ZNF366: variants seen among roughly 807,000 people sequenced by gnomAD.
ZNF366 encodes zinc finger protein 366.
ZNF366 carries 20 observed loss-of-function variants against 47.2 expected under a neutral mutation model. The ratio of observed to expected loss-of-function variants is 0.42; its 90% confidence interval spans 0.30 to 0.62. The LOEUF is 0.62. Ranked by LOEUF, ZNF366 falls within the 20% of genes least tolerant of loss-of-function variation. The probability of loss-of-function intolerance (pLI) is 0.16; values close to 1 mark genes in which losing one functional copy is unlikely to be tolerated. For missense variants in ZNF366, 987 were observed against 976.3 expected (o/e 1.01, Z -0.15); for synonymous variants, 421 against 395.1 (o/e 1.07, Z -0.78).
rs1742827556 is a variant in ZNF366 at position 72,440,170 on chromosome 5, A to G, written c.*3586T>C. 1 of 152,232 alleles carries G rather than the reference A, an allele frequency of 6.6e-6. No individual in the cohort carries two copies. Among genetic ancestry groups the G allele is most frequent in the South Asian group, 2.1e-4 (1 of 4,836 alleles). 9.4% of individuals were successfully genotyped at this position (152,232 alleles called of 1,614,324 possible). ...GACAAAGATCATAATTCAAAACACCATGTTAATATTTTATTAAATGCGTTC... is the reference window on the plus strand; with the variant it reads ...GACAAAGATCATAATTCAAAACACCGTGTTAATATTTTATTAAATGCGTTC... On this transcript the variant is annotated 3_prime_UTR_variant, in exon 5 of 5. Coordinates refer to ENST00000318442, the MANE Select transcript of ZNF366 (RefSeq NM_152625.3).
chr5:72,481,100 T>C (rs530666892), intron 1 of ZNF366, among the ~76,000 whole-genome samples: 1 of 152,170 alleles, frequency 6.6e-6, no homozygotes, highest in African/African-American at 2.4e-5. Context: ...TATTGGCAAA[T>C]AACAGCCGTA....
At chr5:72,505,413 A>T (rs1490261164) in intron 1 of ZNF366, among the ~76,000 whole-genome samples, 1 of 152,204 alleles carries the variant, frequency 6.6e-6, no homozygotes, top group Non-Finnish European at 1.5e-5. Flanking sequence ...TTTTTCTTTA[A>T]AAGAAAACTG....
chr5:72,454,155 G>T (rs1347558273), intron 3 of ZNF366, among the ~76,000 whole-genome samples: 1 of 152,202 alleles, frequency 6.6e-6, no homozygotes, highest in Non-Finnish European at 1.5e-5. Context: ...CTAACCTCAA[G>T]AAATGGGTAA....
intron 3 of ZNF366, 37 bp from the exon 4 acceptor site, chr5:72,447,454 C>T: frequency 6.2e-7 from 1 of 1,609,146 alleles, no homozygotes; most frequent in Non-Finnish European, 8.5e-7. Context: ...GGTTACTCTG[C>T]CCGAGTGAAG....
chr5:72,458,318 C>G (rs1221187736), intron 2 of ZNF366, among the ~76,000 whole-genome samples: 3 of 152,164 alleles, frequency 2.0e-5, no homozygotes, highest in African/African-American at 7.2e-5. Context: ...GCCCGGCCAG[C>G]ATCTTTCTTC....
At position 72,442,033 on chromosome 5, in the gene ZNF366, T is replaced by C. The variant is rs756144255; in HGVS notation, c.*1723A>G. The C allele has an allele frequency of 1.1e-5, 1 of 87,554 alleles. No homozygotes were observed. The highest frequency in any genetic ancestry group is 2.4e-5 in the Non-Finnish European group (1 of 41,818). The allele number at this position is 87,554 out of a possible 1,614,324, so 5.4% of individuals were successfully genotyped here. On this transcript the variant is annotated 3_prime_UTR_variant, in exon 5 of 5. Coordinates refer to ENST00000318442, the MANE Select transcript of ZNF366 (RefSeq NM_152625.3). ...TCTGGGAAGAAATAATGAGTCACCA[T>C]AGGCCAGTCATGCATTTTTTAAACA...
intron 1 of ZNF366, among the ~76,000 whole-genome samples, chr5:72,506,126 T>C (rs1160772752): frequency 6.6e-6 from 1 of 152,244 alleles, no homozygotes; most frequent in Non-Finnish European, 1.5e-5. Context: ...AGTCCAGCTA[T>C]TTTTATCTTA....
At chr5:72,451,347 GA>G (rs548570846) in intron 3 of ZNF366, among the ~76,000 whole-genome samples, 37 of 152,196 alleles carry the variant, frequency 2.4e-4, no homozygotes, top group Non-Finnish European at 4.1e-4. Flanking sequence ...ATAAAAAATG[GA>G]AAAAAATATT....
At chr5:72,496,326 T>C (rs1409581539) in intron 1 of ZNF366, among the ~76,000 whole-genome samples, 1 of 152,212 alleles carries the variant, frequency 6.6e-6, no homozygotes, top group Non-Finnish European at 1.5e-5. Context: ...TTTCTGTCTC[T>C]ATCGTTTTGT....
intron 1 of ZNF366, among the ~76,000 whole-genome samples, chr5:72,489,711 A>T (rs890814767): frequency 1.3e-5 from 2 of 152,248 alleles, no homozygotes; most frequent in Non-Finnish European, 2.9e-5. Context: ...CCCTAATACC[A>T]TTTAAGAAAA....
rs199641622 is a variant in ZNF366 at position 72,443,780 on chromosome 5, T to G, written c.2211A>C (p.Lys737Asn). Residue 737 changes from lysine to asparagine, a missense_variant, in exon 5 of 5, where the codon AAA (lysine) becomes AAC (asparagine). Lys to Asn is a moderately conservative substitution (Grantham distance 94). This residue lies in a region of ZNF366 where 285 missense variants were observed against 234.8 expected (regional missense o/e 1.21). Transcript: ENST00000318442. ...LKELLERKME[K>N]QAVLLGI is the part of the protein sequence containing the mutation. The stretch of plus-strand genomic sequence containing the variant: ...CTTAGATACCTAAAAGCACTGCTTG[T>G]TTTTCCATTTTCCTCTCCAGTAATT... The G allele has an allele frequency of 1.5e-5, 24 of 1,613,230 alleles. No homozygotes were observed. In the Admixed American group the frequency reaches 1.7e-4, roughly 11 times the overall value.
chr5:72,489,896 G>A (rs557745028), intron 1 of ZNF366, among the ~76,000 whole-genome samples: 12 of 152,246 alleles, frequency 7.9e-5, no homozygotes, highest in Non-Finnish European at 1.5e-4. Context: ...CAATGCAGCA[G>A]CATCATGCTG....
intron 1 of ZNF366, among the ~76,000 whole-genome samples, chr5:72,481,709 T>G (rs1023315773): frequency 6.6e-6 from 1 of 152,212 alleles, no homozygotes; most frequent in Non-Finnish European, 1.5e-5. Context: ...TTAAGTAAGC[T>G]CCTACATTTG....
chr5:72,453,162 A>G (rs943958852), intron 3 of ZNF366, among the ~76,000 whole-genome samples: 29 of 152,172 alleles, frequency 1.9e-4, no homozygotes, highest in African/African-American at 7.0e-4. Context: ...TGGGCTGGAG[A>G]AGATCAGTTC....
chr5:72,450,571 C>G lies in ZNF366; in HGVS notation c.1525-3154G>C, dbSNP rs112682385. Among the ~76,000 whole-genome samples the G allele has an allele frequency of 5.1e-4, 77 of 152,346 alleles. 2 individuals carry two copies. The highest frequency in any genetic ancestry group is 1.8e-3 in the African/African-American group (76 of 41,580). On this transcript the variant is annotated intron_variant, in intron 3 of 4. Coordinates refer to ENST00000318442, the MANE Select transcript of ZNF366 (RefSeq NM_152625.3). ...TTCTAAAAAGCAGCCATCACCAGCTCTCATCCTTTTCCCACAAAACCTATT... is the reference window on the plus strand; with the variant it reads ...TTCTAAAAAGCAGCCATCACCAGCTGTCATCCTTTTCCCACAAAACCTATT...
intron 1 of ZNF366, among the ~76,000 whole-genome samples, chr5:72,473,413 A>G (rs1161618264): frequency 6.6e-6 from 1 of 152,214 alleles, no homozygotes; most frequent in African/African-American, 2.4e-5. Context: ...CTTATCTGAT[A>G]TATAGAGCAA....
rs763597597 is a variant in ZNF366 at position 72,456,578 on chromosome 5, C to T, written c.1350G>A (p.Lys450=). The T allele has an allele frequency of 3.0e-5, 48 of 1,609,188 alleles. No homozygotes were observed. Among genetic ancestry groups the T allele is most frequent in the Non-Finnish European group, 4.1e-5 (48 of 1,176,184 alleles). The part of the protein sequence containing the change: ...SLTHKGVKEH[K]CGICGREFTL... Reference sequence around the variant, plus strand: ...TGAACTCCCGCCCACAAATCCCACACTTATGCTCCTTCACACCCTGCAGGG... The same window carrying T: ...TGAACTCCCGCCCACAAATCCCACATTTATGCTCCTTCACACCCTGCAGGG... Residue 450 remains lysine, a synonymous_variant, in exon 3 of 5, where the codon AAG becomes AAA. Transcript: ENST00000318442.
intron 4 of ZNF366, among the ~76,000 whole-genome samples, chr5:72,444,828 T>C (rs895806046): frequency 6.6e-6 from 1 of 152,244 alleles, no homozygotes; most frequent in African/African-American, 2.4e-5. Context: ...CCTGATTTTA[T>C]CTAGCTAGCC....
intron 4 of ZNF366, among the ~76,000 whole-genome samples, chr5:72,446,924 T>C (rs79837226): frequency 0.014 from 2,179 of 152,222 alleles, 54 homozygotes; most frequent in African/African-American, 0.051. Flanking sequence ...CGCTGTAAAA[T>C]AGAAATAATA....
Sources: allele counts gnomAD v4.1 joint callset (sites outside exome capture counted in the v4.1 genomes callset), GRCh38; gene constraint gnomAD v4.1.1; regional missense constraint gnomAD v4.1.1; transcripts MANE v1.5; gene names NCBI Gene and HGNC (gene_info 2026-07-23, HGNC 2026-07-21).